Variants in TBC1D9B observed in about 807,000 individuals in gnomAD.
TBC1D9B encodes TBC1 domain family, member 9B (with GRAM domain).
A neutral mutation model predicts 121.1 loss-of-function variants in TBC1D9B; 87 were observed. The ratio of observed to expected loss-of-function variants is 0.72; its 90% confidence interval spans 0.60 to 0.86. TBC1D9B has a LOEUF of 0.86. Ranked by LOEUF, TBC1D9B falls within the 40% of genes least tolerant of loss-of-function variation. The pLI is 0.00. For synonymous variants in TBC1D9B, 668 were observed against 670.1 expected, an observed-to-expected ratio of 1.00 and a Z score of 0.05; for missense variants, 1,540 against 1,628.6, an observed-to-expected ratio of 0.95 and a Z score of 0.94.
At chr5:179,878,862 A>T (rs1353154178) in intron 9 of TBC1D9B, among the ~76,000 whole-genome samples, 185 bp downstream of exon 9, 3 of 151,854 alleles carry the variant, frequency 2.0e-5, no homozygotes, top group African/African-American at 7.3e-5. Flanking sequence ...GTCCCTCGAG[A>T]TGCTCCTTCT....
chr5:179,904,831 G>C lies in TBC1D9B; in HGVS notation c.119-19C>G, dbSNP rs377036829. 3.2e-6 allele frequency: 5 copies of C among 1,538,602 alleles called. No individual in the cohort carries two copies. ...AGAAGACCTGGGAACAGGGCAGAGAGACATAGAGGGTGAGGGGAGGGCCGG... is the reference window on the plus strand; with the variant it reads ...AGAAGACCTGGGAACAGGGCAGAGACACATAGAGGGTGAGGGGAGGGCCGG... On this transcript the variant is annotated intron_variant, in intron 1 of 20. Coordinates refer to ENST00000355235, the MANE Select transcript of TBC1D9B (RefSeq NM_015043.4). This position sits in a 1 kb window ranked among gnomAD's most constrained non-coding sequence, Gnocchi z 4.2.
intron 5 of TBC1D9B, 24 bp downstream of exon 5, chr5:179,893,184 AC>A: frequency 6.3e-7 from 1 of 1,579,532 alleles, no homozygotes. Context: ...ACATGAGCCC[AC>A]CCCAGCCCTG....
At position 179,870,395 on chromosome 5, in the gene TBC1D9B, C is replaced by G. The variant is rs768474678; in HGVS notation, c.2585G>C (p.Ser862Thr). ...GCTGGCAAAGAGTTCCCGGAACTGG[C>G]TGGCATCAATCCGGTACTGCTCCAG... ...PYLEQYRIDASQFRELFASLT... is the reference protein window; with the variant it reads ...PYLEQYRIDATQFRELFASLT... The change falls in exon 16 of 21, where the codon AGC (serine) becomes ACC (threonine). Residue 862 changes from serine (S) to threonine (T), a missense_variant. Physicochemically the swap from Ser to Thr is moderately conservative, Grantham distance 58. Coordinates refer to ENST00000355235, the MANE Select transcript of TBC1D9B (RefSeq NM_015043.4). The G allele has an allele frequency of 1.9e-6, 3 of 1,613,810 alleles. No homozygotes were observed. The highest frequency in any genetic ancestry group is 1.7e-6 in the Non-Finnish European group (2 of 1,180,034).
rs1172594007 is a variant in TBC1D9B, at chr5:179,879,728, C to A, written c.1316G>T (p.Ser439Ile). The A allele has an allele frequency of 6.2e-7, 1 of 1,614,166 alleles. No homozygotes were observed. Among genetic ancestry groups the A allele is most frequent in the African/African-American group, 1.3e-5 (1 of 75,074 alleles). ...QPASPASPLS[S>I]RQSFCAQEAP... ...CTCCTGCGCACAGAAGCTCTGGCGG[C>A]TGCTGAGGGGAGAGGCTGGGCTGGC... The change falls in exon 8 of 21, where the codon AGC becomes ATC. Residue 439 changes from serine (S) to isoleucine (I), a missense_variant. By Grantham distance (142) the Ser-to-Ile change is moderately radical (BLOSUM62 -2). Coordinates refer to ENST00000355235, the MANE Select transcript of TBC1D9B (RefSeq NM_015043.4).
intron 7 of TBC1D9B, 50 bp downstream of exon 7, chr5:179,888,053 G>T (rs1195466014): frequency 6.2e-7 from 1 of 1,605,236 alleles, no homozygotes; most frequent in Non-Finnish European, 8.5e-7. Flanking sequence ...TGGATGCCCT[G>T]GCTCTTCCTG....
chr5:179,880,748 A>G (rs1244570262), intron 7 of TBC1D9B, among the ~76,000 whole-genome samples: 2 of 151,936 alleles, frequency 1.3e-5, no homozygotes, highest in Non-Finnish European at 2.9e-5. Context: ...AAGGAAAAAA[A>G]AAAAGAGAGA....
chr5:179,881,946 G>GTTTTTTTTTTTTGTTTTTTT (rs1760554919), intron 7 of TBC1D9B, among the ~76,000 whole-genome samples: 1 of 128,328 alleles, frequency 7.8e-6, no homozygotes, highest in African/African-American at 3.3e-5. Context: ...TATACCTTCC[G>GTTTTTTTTTTTTGTTTTTTT]TTTTTTTTTT....
chr5:179,865,577 T>A lies in TBC1D9B; in HGVS notation c.2915-217A>T, dbSNP rs1422801546. ...GTGGTTGGACCTAAGCTGATGACAATGATCCACAATGTCTTCTCTCAGATG... is the reference window on the plus strand; with the variant it reads ...GTGGTTGGACCTAAGCTGATGACAAAGATCCACAATGTCTTCTCTCAGATG... On this transcript the variant is annotated intron_variant, in intron 19 of 20. Coordinates refer to ENST00000355235, the MANE Select transcript of TBC1D9B (RefSeq NM_015043.4). The surrounding 1 kb of genome is among the most constrained non-coding windows in gnomAD (Gnocchi z 5.1). 4.9e-6 allele frequency: 3 copies of A among 616,476 alleles called. No individual in the cohort carries two copies. The highest frequency in any genetic ancestry group is 8.6e-6 in the Non-Finnish European group (3 of 350,558). 38.2% of individuals were successfully genotyped at this position (616,476 alleles called of 1,614,324 possible).
intron 10 of TBC1D9B, among the ~76,000 whole-genome samples, chr5:179,876,295 G>A (rs1054365814): frequency 6.6e-6 from 1 of 152,208 alleles, no homozygotes; most frequent in African/African-American, 2.4e-5. Flanking sequence ...ATGTCAAAAG[G>A]CAATTTGTAG....
chr5:179,888,994 C>G (rs377763450), intron 6 of TBC1D9B, among the ~76,000 whole-genome samples: 1 of 151,470 alleles, frequency 6.6e-6, no homozygotes, highest in Non-Finnish European at 1.5e-5. Context: ...GCCAGAGAAG[C>G]CAGGACAGTG....
At position 179,862,830 on chromosome 5, in the gene TBC1D9B, G is replaced by A; in HGVS notation, c.*618C>T. 3 of 333,426 alleles carry A rather than the reference G, an allele frequency of 9.0e-6. No homozygotes were observed. The highest frequency in any genetic ancestry group is 1.8e-5 in the Non-Finnish European group (3 of 164,026). The allele number at this position is 333,426 out of a possible 1,614,324, so 20.7% of individuals were successfully genotyped here. A position where few individuals can be genotyped will look rare whatever the true frequency, so the allele number is the denominator to read the frequency against. ...TCCAAGGAAATATATCAGGACCTGA[G>A]GGATGTTTTTTTAAAGTTACTGGAA... On this transcript the variant is annotated 3_prime_UTR_variant, in exon 21 of 21. Transcript: ENST00000355235.
Position 179,907,387 on chromosome 5 carries a change from C to G in TBC1D9B, c.118+317G>C, listed in dbSNP as rs961343362. ...GGCGGTGAGATCCCGGGAAGCTGCA[C>G]GGCCCCCGGGGCTCGCGGGCGCCGA... On this transcript the variant is annotated intron_variant, in intron 1 of 20. Coordinates refer to ENST00000355235, the MANE Select transcript of TBC1D9B (RefSeq NM_015043.4). This position sits in a 1 kb window ranked among gnomAD's most constrained non-coding sequence, Gnocchi z 5.3. 1.3e-5 allele frequency among the ~76,000 whole-genome samples: 2 copies of G among 151,974 alleles called. No homozygotes were observed. Among genetic ancestry groups the G allele is most frequent in the Non-Finnish European group, 2.9e-5 (2 of 67,876 alleles).
In TBC1D9B at chr5:179,904,752, C is replaced by A; in HGVS notation, c.179G>T (p.Arg60Leu). The change falls in exon 2 of 21, where the codon CGC (arginine) becomes CTC (leucine). Residue 60 changes from arginine to leucine, a missense_variant. Physicochemically the swap from Arg to Leu is moderately radical, Grantham distance 102. Transcript: ENST00000355235. The surrounding 1 kb of genome is among the most constrained non-coding windows in gnomAD (Gnocchi z 4.2). ...LDSSARVAPY[R>L]ILHQTQDSQV... is the part of the protein sequence containing the mutation. ...GGAGTCCTGGGTCTGGTGCAGGATG[C>A]GGTAAGGGGCCACGCGGGCACTGGA... 6.3e-7 allele frequency: 1 copy of A among 1,580,198 alleles called. No homozygotes were observed. Among genetic ancestry groups the A allele is most frequent in the Non-Finnish European group, 8.6e-7 (1 of 1,163,430 alleles).
Position 179,863,123 on chromosome 5 carries a change from A to C in TBC1D9B, c.*325T>G. ...TGGCCGCAGTGTGGAGCACAGAGGT[A>C]TGAGGCAAGCAAGGGCAGATCTGAG... On this transcript the variant is annotated 3_prime_UTR_variant, in exon 21 of 21. Transcript: ENST00000355235. This position sits in a 1 kb window ranked among gnomAD's most constrained non-coding sequence, Gnocchi z 4.5. 3 of 344,586 alleles carry C rather than the reference A, an allele frequency of 8.7e-6. No homozygotes were observed. The highest frequency in any genetic ancestry group is 1.1e-5 in the Non-Finnish European group (2 of 185,004). The allele number at this position is 344,586 out of a possible 1,614,324, so 21.3% of individuals were successfully genotyped here. A position where few individuals can be genotyped will look rare whatever the true frequency, so the allele number is the denominator to read the frequency against.
intron 1 of TBC1D9B, among the ~76,000 whole-genome samples, chr5:179,905,620 AT>A (rs1465673729): frequency 3.9e-5 from 6 of 152,172 alleles, no homozygotes; most frequent in Non-Finnish European, 5.9e-5. Flanking sequence ...TTGCTTTTAT[AT>A]TTTAGGTAAT....
intron 2 of TBC1D9B, among the ~76,000 whole-genome samples, chr5:179,900,234 G>C (rs1462060043): frequency 6.6e-6 from 1 of 152,246 alleles, no homozygotes; most frequent in Non-Finnish European, 1.5e-5. Flanking sequence ...ACGTAGAGAA[G>C]GCAGCACGAT....
At chr5:179,888,047 T>G in intron 7 of TBC1D9B, 56 bp downstream of exon 7, 1 of 1,599,644 alleles carries the variant, frequency 6.3e-7, no homozygotes, top group Non-Finnish European at 8.6e-7. Context: ...GGCTGATGGA[T>G]GCCCTGGCTC....
chr5:179,864,057 G>T lies in TBC1D9B; in HGVS notation c.3093C>A (p.Tyr1031Ter). ...GGCTGGCCACGGTGGCGATGGCGTG[G>T]TACAGGTCCTGCTCCATGGGGTCTT... The part of the protein sequence containing the change: ...FSEDPMEQDL[Y>*]HAIATVASLL... Residue 1031 changes from tyrosine (Y) to a stop codon, truncating the protein, a stop_gained, in exon 21 of 21, where the codon TAC (tyrosine) becomes TAA (stop). Transcript: ENST00000355235. LOFTEE classifies it low-confidence loss of function (END_TRUNC). The T allele has an allele frequency of 6.2e-7, 1 of 1,613,726 alleles. No homozygotes were observed. Among genetic ancestry groups the T allele is most frequent in the Non-Finnish European group, 8.5e-7 (1 of 1,180,034 alleles).
chr5:179,894,792 G>A (rs182488708), intron 3 of TBC1D9B, among the ~76,000 whole-genome samples, 178 bp from the exon 4 acceptor site: 39 of 152,298 alleles, frequency 2.6e-4, no homozygotes, highest in Admixed American at 7.2e-4. Flanking sequence ...GATGAGAGAC[G>A]CTGCCTGTGT....
Sources: gnomAD v4.1 joint callset for allele counts (sites outside exome capture counted in the v4.1 genomes callset) on GRCh38, gnomAD v4.1.1 for gene constraint, Gnocchi (gnomAD v3.1) non-coding constraint, MANE v1.5 for transcripts, NCBI Gene and HGNC (gene_info 2026-07-23, HGNC 2026-07-21) for gene names.